Variants in PRKAG2 observed in about 807,000 individuals in gnomAD.
PRKAG2 encodes the protein protein kinase AMP-activated non-catalytic subunit gamma 2.
In PRKAG2, 26 loss-of-function variants were observed where a neutral mutation model predicts 69.6. The ratio of observed to expected loss-of-function variants is 0.37; its 90% CI spans 0.27 to 0.52. The LOEUF (loss-of-function observed/expected upper bound fraction) is 0.52, where lower values mean the gene tolerates loss of function less well. Ranked by LOEUF, PRKAG2 falls within the 20% of genes least tolerant of loss-of-function variation. The probability of loss-of-function intolerance (pLI) is 0.90; values close to 1 mark genes in which losing one functional copy is unlikely to be tolerated. For synonymous variants in PRKAG2, 293 were observed against 285.0 expected (o/e 1.03, Z -0.28); for missense variants, 557 against 740.0 (o/e 0.75, Z 2.87).
intron 3 of PRKAG2, among the ~76,000 whole-genome samples, chr7:151,749,637 A>C (rs2074530596): frequency 6.6e-6 from 1 of 152,192 alleles, no homozygotes; most frequent in South Asian, 2.1e-4. Context: ...TCCAATCAAA[A>C]AAATGAGCAG....
At chr7:151,732,713 ACGGAGTCTCACTGTT>A (rs2151686345) in intron 3 of PRKAG2, among the ~76,000 whole-genome samples, 1 of 152,074 alleles carries the variant, frequency 6.6e-6, no homozygotes, top group African/African-American at 2.4e-5. Flanking sequence ...TTTCTTTGAG[ACGGAGTCTCACTGTT>A]GTCACCCAGG....
In PRKAG2 at chr7:151,729,198, C is replaced by T. The variant is rs1209609650; in HGVS notation, c.466+51954G>A. Among the ~76,000 whole-genome samples the T allele has an allele frequency of 2.0e-5, 3 of 152,212 alleles. 1 individual carries two copies. The highest frequency in any genetic ancestry group is 4.1e-4 in the South Asian group (2 of 4,822). On this transcript the variant is annotated intron_variant, in intron 3 of 15. Coordinates refer to ENST00000287878, the MANE Select transcript of PRKAG2 (RefSeq NM_016203.4). ...TGGCGGGCGGGCCTCACCAAATCCA[C>T]GGCTGGGAGTGGAGAGTTCTCAAAT...
chr7:151,723,071 T>C (rs1174201194), intron 3 of PRKAG2, among the ~76,000 whole-genome samples: 1 of 152,144 alleles, frequency 6.6e-6, no homozygotes, highest in African/African-American at 2.4e-5. Flanking sequence ...TCACCATCTC[T>C]TTCTGTGTCC....
In PRKAG2 at chr7:151,632,432, G is replaced by T; in HGVS notation, c.685-294C>A. 1.8e-6 allele frequency: 1 copy of T among 558,192 alleles called. No individual in the cohort carries two copies. The highest frequency in any genetic ancestry group is 7.8e-5 in the South Asian group (1 of 12,850). The allele number at this position is 558,192 out of a possible 1,614,324, so 34.6% of individuals were successfully genotyped here. On this transcript the variant is annotated intron_variant, in intron 4 of 15. Transcript: ENST00000287878. The surrounding 1 kb of genome is among the most constrained non-coding windows in gnomAD (Gnocchi z 4.2). ...ACGGCCCGCCCGGGAGGAAGCGTGG[G>T]AAGGGACCCGGGAGCTCGAGGGCGG...
At chr7:151,564,318 A>C in intron 13 of PRKAG2, 94 bp from the exon 14 acceptor site, 1 of 1,376,978 alleles carries the variant, frequency 7.3e-7, no homozygotes, top group Non-Finnish European at 1.0e-6. Context: ...ATTTCTAAAA[A>C]CTTTAATGCT....
intron 1 of PRKAG2, among the ~76,000 whole-genome samples, chr7:151,851,263 C>G (rs1284501235): frequency 1.3e-5 from 2 of 151,946 alleles, no homozygotes; most frequent in African/African-American, 4.8e-5. Flanking sequence ...GTGAGCTTTC[C>G]TGCCATGAGA....
At chr7:151,713,157 C>T (rs187762105) in intron 3 of PRKAG2, among the ~76,000 whole-genome samples, 4 of 152,278 alleles carry the variant, frequency 2.6e-5, no homozygotes, top group Admixed American at 2.0e-4. Context: ...GACTCAAGGG[C>T]AAAACTCCCG....
chr7:151,715,850 A>C (rs925311721), intron 3 of PRKAG2, among the ~76,000 whole-genome samples: 2 of 151,548 alleles, frequency 1.3e-5, no homozygotes, highest in Admixed American at 1.3e-4. Flanking sequence ...GGGGCGGGGC[A>C]AGGAGCCTTG....
At position 151,828,796 on chromosome 7, in the gene PRKAG2, G is replaced by C. The variant is rs1012773800; in HGVS notation, c.115-42255C>G. 2.0e-5 allele frequency among the ~76,000 whole-genome samples: 3 copies of C among 152,046 alleles called. No individual in the cohort carries two copies. The South Asian group carries it at 6.2e-4, about 32-fold the overall frequency. On this transcript the variant is annotated intron_variant, in intron 1 of 15. Coordinates refer to ENST00000287878, the MANE Select transcript of PRKAG2 (RefSeq NM_016203.4). This position sits in a 1 kb window ranked among gnomAD's most constrained non-coding sequence, Gnocchi z 4.6. ...ACTTTAAAAGTCAGTGGGGCATGGTGGCTACTGAGGAGGCTGAGGTGGAAG... is the reference window on the plus strand; with the variant it reads ...ACTTTAAAAGTCAGTGGGGCATGGTCGCTACTGAGGAGGCTGAGGTGGAAG...
At chr7:151,705,616 G>C (rs1164237510) in intron 3 of PRKAG2, among the ~76,000 whole-genome samples, 6 of 152,154 alleles carry the variant, frequency 3.9e-5, no homozygotes, top group Non-Finnish European at 7.3e-5. Flanking sequence ...TTTTCCCAAA[G>C]GCCCATAAAG....
chr7:151,811,321 T>C (rs1208079053), intron 1 of PRKAG2, among the ~76,000 whole-genome samples: 7 of 152,204 alleles, frequency 4.6e-5, no homozygotes, highest in African/African-American at 1.7e-4. Flanking sequence ...ACTGTCTCCA[T>C]TCTTAGAAGA....
intron 5 of PRKAG2, among the ~76,000 whole-genome samples, chr7:151,597,440 T>TA (rs1355436409): frequency 6.6e-6 from 1 of 152,132 alleles, no homozygotes; most frequent in African/African-American, 2.4e-5. Context: ...TATATCAAAC[T>TA]AAAAAGCTTC....
At chr7:151,875,492 G>A (rs1052884416) in intron 1 of PRKAG2, among the ~76,000 whole-genome samples, 1 of 151,990 alleles carries the variant, frequency 6.6e-6, no homozygotes, top group African/African-American at 2.4e-5. Flanking sequence ...GAGGGGTCCG[G>A]ACAGCCCATT....
intron 4 of PRKAG2, among the ~76,000 whole-genome samples, chr7:151,648,887 T>G (rs761028785): frequency 6.8e-6 from 1 of 146,130 alleles, no homozygotes; most frequent in South Asian, 2.1e-4. Context: ...AAATCAGGTA[T>G]GTGAGAGAGG....
chr7:151,633,913 C>T (rs1825287677), intron 4 of PRKAG2, among the ~76,000 whole-genome samples: 1 of 152,102 alleles, frequency 6.6e-6, no homozygotes, highest in South Asian at 2.1e-4. Context: ...AAGGTGCAAG[C>T]TCTAGAATTC....
At position 151,703,911 on chromosome 7, in the gene PRKAG2, A is replaced by ACACACACACACACAC. The variant is rs1563476709; in HGVS notation, c.467-28275_467-28274insGTGTGTGTGTGTGTG. Among the ~76,000 whole-genome samples, 10 of 103,714 alleles carry ACACACACACACACAC rather than the reference A, an allele frequency of 9.6e-5. No homozygotes were observed. In the South Asian group the frequency reaches 1.2e-3, roughly 13 times the overall value. The allele number at this position is 103,714 out of a possible 152,430, so 68.0% of individuals were successfully genotyped here. On this transcript the variant is annotated intron_variant, in intron 3 of 15. Transcript: ENST00000287878. ...ACACACACACACACACACACACACA[A>ACACACACACACACAC]ATTAGCTAGGCATGGTGGCAGGTGC...
intron 5 of PRKAG2, chr7:151,631,494 G>A (rs1824393464): frequency 7.4e-6 from 2 of 271,408 alleles, no homozygotes; most frequent in Admixed American, 4.1e-5. Context: ...GAAGAAGACA[G>A]GAGAGGGAAA....
chr7:151,784,025 C>T (rs1231501357), intron 2 of PRKAG2, among the ~76,000 whole-genome samples: 2 of 151,488 alleles, frequency 1.3e-5, no homozygotes, highest in Non-Finnish European at 2.9e-5. Context: ...ACAACACACA[C>T]AGGCACCAGG....
intron 1 of PRKAG2, among the ~76,000 whole-genome samples, chr7:151,840,330 A>G (rs994857618): frequency 2.0e-5 from 3 of 152,088 alleles, no homozygotes; most frequent in Non-Finnish European, 4.4e-5. Flanking sequence ...TAGAGAAAGC[A>G]GCAGCTGGCC....
Sources: gnomAD v4.1 joint callset for allele counts (sites outside exome capture counted in the v4.1 genomes callset) on GRCh38, gnomAD v4.1.1 for gene constraint, Gnocchi (gnomAD v3.1) non-coding constraint, MANE v1.5 for transcripts, NCBI Gene and HGNC (gene_info 2026-07-23, HGNC 2026-07-21) for gene names.